Variants in LPA observed in about 807,000 individuals in gnomAD.
The protein encoded by LPA is apolipoprotein(a).
Under a neutral mutation model 197.9 loss-of-function variants are expected in LPA, and 199 were observed. The observed-to-expected ratio is 1.01, with a 90% CI of 0.90 to 1.13. The LOEUF (loss-of-function observed/expected upper bound fraction) is 1.13, where lower values mean the gene tolerates loss of function less well. LPA is among the 50% of genes most tolerant of loss of function. The probability of loss-of-function intolerance (pLI) is 0.00; values close to 1 mark genes in which losing one functional copy is unlikely to be tolerated. For missense variants in LPA, 1,853 were observed against 1,785.8 expected, an observed-to-expected ratio of 1.04 and a Z score of -0.68; for synonymous variants, 715 against 639.5, an observed-to-expected ratio of 1.12 and a Z score of -1.78.
At chr6:160,557,702 T>G in intron 28 of LPA, 131 bp from the exon 29 acceptor site, 1 of 759,012 alleles carries the variant, frequency 1.3e-6, no homozygotes, top group Non-Finnish European at 2.2e-6. Context: ...GGTACAATAA[T>G]ATTCCGAAAA....
intron 24 of LPA, among the ~76,000 whole-genome samples, chr6:160,588,543 G>T (rs1173556675): frequency 6.6e-6 from 1 of 152,128 alleles, no homozygotes; most frequent in African/African-American, 2.4e-5. Context: ...TTCCCAAGTA[G>T]CTTTTCTTTG....
In LPA at chr6:160,595,442, G is replaced by A. The variant is rs749220823; in HGVS notation, c.3381C>T (p.Asn1127=). 6 of 1,613,752 alleles carry A rather than the reference G, an allele frequency of 3.7e-6. No homozygotes were observed. Among genetic ancestry groups the A allele is most frequent in the Non-Finnish European group, 5.1e-6 (6 of 1,179,920 alleles). The part of the protein sequence containing the change: ...MDPSVRWEYC[N]LTQCLVTESS... Reference sequence around the variant, plus strand: ...ATTCTGTCACCAGGCATTGTGTCAGGTTGCAGTACTCCCACCTGACACTGG... The same window carrying A: ...ATTCTGTCACCAGGCATTGTGTCAGATTGCAGTACTCCCACCTGACACTGG... The change falls in exon 21 of 39, where the codon AAC becomes AAT. Residue 1127 remains asparagine (N), a synonymous_variant. Transcript: ENST00000316300.
At chr6:160,547,075 G>A (rs916008222) in intron 32 of LPA, among the ~76,000 whole-genome samples, 5 of 152,098 alleles carry the variant, frequency 3.3e-5, no homozygotes, top group African/African-American at 9.7e-5. Flanking sequence ...GTGAGGGGGC[G>A]ATGGTTAAAG....
intron 19 of LPA, among the ~76,000 whole-genome samples, chr6:160,600,434 G>A (rs1458112689): frequency 6.6e-6 from 1 of 152,160 alleles, no homozygotes; most frequent in Non-Finnish European, 1.5e-5. Context: ...GGGAGCTCAT[G>A]TACTACTCCA....
chr6:160,658,593 C>A (rs1366289891), intron 1 of LPA, among the ~76,000 whole-genome samples: 1 of 152,182 alleles, frequency 6.6e-6, no homozygotes. Context: ...TATAGAGTCA[C>A]TAAACTCCTT....
chr6:160,556,076 G>A lies in LPA; in HGVS notation c.4922C>T (p.Ser1641Leu). The change falls in exon 30 of 39, where the codon TCA becomes TTA. Residue 1641 changes from serine to leucine, a missense_variant. Coordinates refer to ENST00000316300, the MANE Select transcript of LPA (RefSeq NM_005577.4). Reference protein sequence around the residue: ...TVTGRTCQSWSSMTPHRHQRT... With the variant: ...TVTGRTCQSWLSMTPHRHQRT... The stretch of plus-strand genomic sequence containing the variant: ...CTGATGCCGGTGTGGTGTCATGGAT[G>A]ACCAAGATTGACATGTCCTTCCTGT... 6.2e-7 allele frequency: 1 copy of A among 1,613,424 alleles called. No homozygotes were observed. The highest frequency in any genetic ancestry group is 8.5e-7 in the Non-Finnish European group (1 of 1,179,490).
chr6:160,578,186 T>C (rs547099909), intron 27 of LPA, among the ~76,000 whole-genome samples: 2 of 152,232 alleles, frequency 1.3e-5, no homozygotes, highest in Non-Finnish European at 2.9e-5. Flanking sequence ...GAAAGGCTTA[T>C]TGGCTTGGAA....
Position 160,594,037 on chromosome 6 carries a change from C to A in LPA, c.3550G>T (p.Val1184Phe). The change falls in exon 22 of 39, where the codon GTC becomes TTC. Residue 1184 changes from valine (V) to phenylalanine (F), a missense_variant. Transcript: ENST00000316300. ...CAAGACTGACATGTCCTTCCTGTGA[C>A]AGTGGTAGAGAATGAGCCTCGATAA... ...QSYRGSFSTT[V>F]TGRTCQSWSS... 1 of 1,613,988 alleles carries A rather than the reference C, an allele frequency of 6.2e-7. No individual in the cohort carries two copies. Among genetic ancestry groups the A allele is most frequent in the Non-Finnish European group, 8.5e-7 (1 of 1,179,882 alleles).
intron 7 of LPA, 72 bp downstream of exon 7, chr6:160,635,051 C>A (rs1452431717): frequency 2.9e-5 from 43 of 1,495,808 alleles, no homozygotes; most frequent in Non-Finnish European, 4.0e-5. Flanking sequence ...AAGGCGGCTG[C>A]ATCAGTGGGA....
chr6:160,586,640 C>A lies in LPA; in HGVS notation c.3948-10G>T, dbSNP rs781583134. ...GTTCCTGGTCAGGCCACTGCAAATT[C>A]CAAAACAATACAGGTCACCAGAGAT... is the stretch of plus-strand genomic sequence containing the variant. On this transcript the variant is annotated splice_polypyrimidine_tract_variant and intron_variant, in intron 24 of 38. Transcript: ENST00000316300. 11 of 1,613,386 alleles carry A rather than the reference C, an allele frequency of 6.8e-6. No homozygotes were observed. Among genetic ancestry groups the A allele is most frequent in the African/African-American group, 6.7e-5 (5 of 74,882 alleles).
At position 160,556,145 on chromosome 6, in the gene LPA, T is replaced by C. The variant is rs753758952; in HGVS notation, c.4853A>G (p.His1618Arg). The change falls in exon 30 of 39, where the codon CAT becomes CGT. Residue 1618 changes from histidine to arginine, a missense_variant. Transcript: ENST00000316300. ...EQTPVVRQCY[H>R]GNGQSYRGTF... is the part of the protein sequence containing the mutation. ...GCCTCGATAACTCTGGCCATTACCA[T>C]GGTAGCACTGCCGGACCACAGGGGT... 1 of 1,613,892 alleles carries C rather than the reference T, an allele frequency of 6.2e-7. No individual in the cohort carries two copies. Among genetic ancestry groups the C allele is most frequent in the African/African-American group, 1.3e-5 (1 of 74,890 alleles).
rs1465136541 is a variant in LPA at position 160,664,102 on chromosome 6, A to T, written c.49+64T>A. ...TGAATTGCACATAAAGCCATGGCAT[A>T]TGTATTTTTACTACATTGTGGGAGA... is the stretch of plus-strand genomic sequence containing the variant. On this transcript the variant is annotated intron_variant, in intron 1 of 38. Coordinates refer to ENST00000316300, the MANE Select transcript of LPA (RefSeq NM_005577.4). The T allele has an allele frequency of 2.2e-6, 3 of 1,339,750 alleles. No individual in the cohort carries two copies. The African/African-American group carries it at 4.5e-5, about 20-fold the overall frequency. 83.0% of individuals were successfully genotyped at this position (1,339,750 alleles called of 1,614,324 possible). A position where few individuals can be genotyped will look rare whatever the true frequency, so the allele number is the denominator to read the frequency against.
At chr6:160,610,970 AT>A (rs1779493798) in intron 16 of LPA, among the ~76,000 whole-genome samples, 1 of 152,048 alleles carries the variant, frequency 6.6e-6, no homozygotes, top group Non-Finnish European at 1.5e-5. Context: ...CCATCTACCC[AT>A]CCCTTTTACT....
At chr6:160,595,575 G>A (rs983804416) in intron 20 of LPA, 40 bp from the exon 21 acceptor site, 1 of 1,613,066 alleles carries the variant, frequency 6.2e-7, no homozygotes, top group African/African-American at 1.3e-5. Context: ...AGAGATGGGA[G>A]AAGATTCAAG....
intron 1 of LPA, among the ~76,000 whole-genome samples, chr6:160,654,004 AATAT>A (rs1313812314): frequency 5.1e-4 from 3 of 5,916 alleles, no homozygotes; most frequent in Non-Finnish European, 1.1e-3. Context: ...TATTATATAT[AATAT>A]ATATTATATA....
chr6:160,598,956 A>G (rs1295816759), intron 20 of LPA, among the ~76,000 whole-genome samples: 1 of 152,134 alleles, frequency 6.6e-6, no homozygotes, highest in Admixed American at 6.6e-5. Flanking sequence ...CTCTTTGGTC[A>G]TTTGTCATCC....
chr6:160,564,157 T>G (rs1230876341), intron 28 of LPA, among the ~76,000 whole-genome samples: 1 of 152,142 alleles, frequency 6.6e-6, no homozygotes, highest in East Asian at 1.9e-4. Context: ...TTCTTTATAG[T>G]GTTGATGGTG....
At chr6:160,597,945 A>G (rs1209545157) in intron 20 of LPA, among the ~76,000 whole-genome samples, 2 of 152,140 alleles carry the variant, frequency 1.3e-5, no homozygotes, top group Non-Finnish European at 2.9e-5. Flanking sequence ...AAGGCAGTTA[A>G]TTGACTAGGA....
intron 26 of LPA, 139 bp downstream of exon 26, chr6:160,584,906 AG>A: frequency 1.2e-6 from 1 of 863,276 alleles, no homozygotes; most frequent in Non-Finnish European, 1.9e-6. Context: ...TTTGCTCAAA[AG>A]TAAGTTTCCT....
Sources: gnomAD v4.1 joint callset for allele counts (sites outside exome capture counted in the v4.1 genomes callset) on GRCh38, gnomAD v4.1.1 for gene constraint, MANE v1.5 for transcripts, NCBI Gene and HGNC (gene_info 2026-07-23, HGNC 2026-07-21) for gene names.